CHD9: variants seen among roughly 807,000 people sequenced by gnomAD.
CHD9 encodes ATP-dependent chromatin remodeler CHD9.
A neutral mutation model predicts 316.1 loss-of-function variants in CHD9; 77 were observed. That is an observed-to-expected ratio of 0.24 (90% confidence interval 0.20 to 0.29). The LOEUF (loss-of-function observed/expected upper bound fraction) is 0.29. CHD9 is among the 10% of genes least tolerant of loss of function. The pLI is 1.00. For synonymous variants in CHD9, 1,129 were observed against 1,158.3 expected, an observed-to-expected ratio of 0.97 and a Z score of 0.51; for missense variants, 2,763 against 3,438.1, an observed-to-expected ratio of 0.80 and a Z score of 4.91.
intron 34 of CHD9, among the ~76,000 whole-genome samples, chr16:53,313,439 C>T (rs998686499): frequency 6.6e-6 from 1 of 151,814 alleles, no homozygotes; most frequent in East Asian, 2.0e-4. Context: ...CCAAGTAGCT[C>T]GTATTACAGG....
Position 53,156,036 on chromosome 16 carries a change from G to A in CHD9, c.-54G>A, listed in dbSNP as rs747531436. 1.6e-5 allele frequency: 25 copies of A among 1,535,830 alleles called. No homozygotes were observed. Among genetic ancestry groups the A allele is most frequent in the Non-Finnish European group, 2.1e-5 (24 of 1,138,742 alleles). ...ATCCAATAATATCTACTATAGAGAA[G>A]CTGAATATACTCCATTTGGAGTGAA... On this transcript the variant is annotated 5_prime_UTR_variant, in exon 2 of 39. Coordinates refer to ENST00000447540, the MANE Select transcript of CHD9 (RefSeq NM_001308319.2).
At chr16:53,112,943 A>G (rs768587843) in intron 1 of CHD9, among the ~76,000 whole-genome samples, 2 of 152,196 alleles carry the variant, frequency 1.3e-5, no homozygotes, top group Non-Finnish European at 2.9e-5. Context: ...TCAAGGCTGC[A>G]GTGAACTATG....
rs141740947 is a variant in CHD9, at chr16:53,229,700, A to C, written c.2286+600A>C. On this transcript the variant is annotated intron_variant, in intron 8 of 38. Transcript: ENST00000447540. ...CATTTATTTTAACTAGATTTCCGAA[A>C]TGTTAACATTTTACCATGTTTGCTT... Among the ~76,000 whole-genome samples, 745 of 152,320 alleles carry C rather than the reference A, an allele frequency of 4.9e-3. 5 individuals are homozygous for C. Among genetic ancestry groups the C allele is most frequent in the African/African-American group, 0.017 (710 of 41,572 alleles).
At chr16:53,124,887 A>T (rs953675904) in intron 1 of CHD9, among the ~76,000 whole-genome samples, 4 of 152,186 alleles carry the variant, frequency 2.6e-5, no homozygotes, top group African/African-American at 9.7e-5. Flanking sequence ...GGGAGCTACA[A>T]TTCGAGTTTT....
chr16:53,208,572 C>CT, intron 2 of CHD9: 1 of 1,022,376 alleles, frequency 9.8e-7, no homozygotes, highest in Non-Finnish European at 1.2e-6. Flanking sequence ...TTTCCCAGTG[C>CT]TGCAGTGCTG....
intron 24 of CHD9, among the ~76,000 whole-genome samples, chr16:53,285,259 C>T (rs1378273848): frequency 1.3e-5 from 2 of 152,104 alleles, no homozygotes; most frequent in African/African-American, 2.4e-5. Flanking sequence ...TGATTATTGC[C>T]AAGTTGTTGG....
intron 10 of CHD9, among the ~76,000 whole-genome samples, chr16:53,234,209 C>T (rs778082922): frequency 1.1e-4 from 16 of 152,102 alleles, no homozygotes; most frequent in Non-Finnish European, 2.2e-4. Context: ...TATTATGCAA[C>T]CTCGCTAAAA....
Position 53,129,350 on chromosome 16 carries a change from G to C in CHD9, c.-164-26576G>C, listed in dbSNP as rs76357898. ...ACTATCCAAATAAGTGGTGTGGGGG[G>C]CCCCAGAGATAAACTCTTTCTGTGC... On this transcript the variant is annotated intron_variant, in intron 1 of 38. Coordinates refer to ENST00000447540, the MANE Select transcript of CHD9 (RefSeq NM_001308319.2). Among the ~76,000 whole-genome samples the C allele has an allele frequency of 8.1e-3, 1,237 of 152,292 alleles. 15 individuals carry two copies. Among genetic ancestry groups the C allele is most frequent in the African/African-American group, 0.029 (1,199 of 41,556 alleles).
intron 2 of CHD9, among the ~76,000 whole-genome samples, chr16:53,203,513 G>T (rs1255833639): frequency 6.6e-6 from 1 of 152,052 alleles, no homozygotes; most frequent in African/African-American, 2.4e-5. Context: ...CTTGCTCAAG[G>T]CTTGCTATCT....
chr16:53,261,045 C>A (rs189859970), intron 19 of CHD9, among the ~76,000 whole-genome samples: 5 of 128,444 alleles, frequency 3.9e-5, no homozygotes, highest in Admixed American at 2.4e-4. Context: ...CAAAGAAATA[C>A]AAAATTAGTT....
Position 53,102,380 on chromosome 16 carries a change from T to G in CHD9, c.-165+47303T>G, listed in dbSNP as rs555124675. Among the ~76,000 whole-genome samples, 5 of 152,020 alleles carry G rather than the reference T, an allele frequency of 3.3e-5. No individual in the cohort carries two copies. In the East Asian group the frequency reaches 9.7e-4, roughly 29 times the overall value. ...CTAATAATAATTATTATTATTATAT[T>G]AATAGTAAGATTTTTTCATAGTGCT... On this transcript the variant is annotated intron_variant, in intron 1 of 38. Coordinates refer to ENST00000447540, the MANE Select transcript of CHD9 (RefSeq NM_001308319.2).
intron 2 of CHD9, among the ~76,000 whole-genome samples, chr16:53,176,148 G>A (rs1435602217): frequency 6.6e-6 from 1 of 152,202 alleles, no homozygotes; most frequent in Non-Finnish European, 1.5e-5. Context: ...AAATCAAGAT[G>A]TCAATAGGGT....
At chr16:53,253,125 A>G (rs2050264514) in intron 17 of CHD9, among the ~76,000 whole-genome samples, 1 of 152,200 alleles carries the variant, frequency 6.6e-6, no homozygotes, top group South Asian at 2.1e-4. Context: ...ACAATTCACA[A>G]TAGCAAAATT....
At chr16:53,301,020 C>A (rs1479922128) in intron 30 of CHD9, among the ~76,000 whole-genome samples, 1 of 152,110 alleles carries the variant, frequency 6.6e-6, no homozygotes, top group African/African-American at 2.4e-5. Flanking sequence ...TTGCAGTGAG[C>A]CAAGATCGCA....
In CHD9 at chr16:53,109,690, T is replaced by TTTTTC. The variant is rs1555485084; in HGVS notation, c.-164-46232_-164-46231insCTTTT. Among the ~76,000 whole-genome samples the TTTTTC allele has an allele frequency of 1.8e-3, 186 of 105,922 alleles. 3 individuals are homozygous for TTTTTC. The East Asian group carries it at 0.022, about 12-fold the overall frequency. 69.5% of individuals were successfully genotyped at this position (105,922 alleles called of 152,430 possible). A position where few individuals can be genotyped will look rare whatever the true frequency, so the allele number is the denominator to read the frequency against. On this transcript the variant is annotated intron_variant, in intron 1 of 38. Coordinates refer to ENST00000447540, the MANE Select transcript of CHD9 (RefSeq NM_001308319.2). The stretch of plus-strand genomic sequence containing the variant: ...GATTCCCAGTTTCTTTTTTTTTTTT[T>TTTTTC]TTTTTTTTTTTTGAGATGGAGTCTC...
chr16:53,297,415 A>T (rs1186267269), intron 30 of CHD9, among the ~76,000 whole-genome samples: 1 of 152,236 alleles, frequency 6.6e-6, no homozygotes, highest in Admixed American at 6.5e-5. Flanking sequence ...TAGATTTATG[A>T]TTAGGAGGTG....
At chr16:53,164,680 GTCTT>G (rs1223604803) in intron 2 of CHD9, among the ~76,000 whole-genome samples, 1 of 151,590 alleles carries the variant, frequency 6.6e-6, no homozygotes, top group Non-Finnish European at 1.5e-5. Flanking sequence ...TTGAGACAGA[GTCTT>G]GCTCTGTCAC....
At chr16:53,088,436 C>T (rs1158512745) in intron 1 of CHD9, among the ~76,000 whole-genome samples, 2 of 151,906 alleles carry the variant, frequency 1.3e-5, no homozygotes, top group African/African-American at 4.8e-5. Flanking sequence ...TGCCACCACG[C>T]CTGGCTAATT....
chr16:53,274,826 G>A (rs571788892), intron 24 of CHD9, among the ~76,000 whole-genome samples: 4 of 152,168 alleles, frequency 2.6e-5, no homozygotes, highest in African/African-American at 9.6e-5. Flanking sequence ...ATGTTAGGCG[G>A]CTCCTTAGTC....
Sources: allele counts gnomAD v4.1 joint callset (sites outside exome capture counted in the v4.1 genomes callset), GRCh38; gene constraint gnomAD v4.1.1; transcripts MANE v1.5; gene names NCBI Gene and HGNC (gene_info 2026-07-23, HGNC 2026-07-21).